The following BCKDHB variants were observed in gnomAD, a reference collection of about 807,000 sequenced individuals.
BCKDHB encodes 2-oxoisovalerate dehydrogenase subunit beta, mitochondrial.
Under a neutral mutation model 48.5 loss-of-function variants are expected in BCKDHB, and 41 were observed. The ratio of observed to expected loss-of-function variants is 0.85; its 90% CI spans 0.66 to 1.10. The LOEUF (loss-of-function observed/expected upper bound fraction) is 1.10, where lower values mean the gene tolerates loss of function less well. Ranked by LOEUF, BCKDHB falls within the 50% of genes least tolerant of loss-of-function variation. The probability of loss-of-function intolerance (pLI) is 0.00; values close to 1 mark genes in which losing one functional copy is unlikely to be tolerated. For missense variants in BCKDHB, 496 were observed against 494.2 expected, an observed-to-expected ratio of 1.00 and a Z score of -0.03; for synonymous variants, 201 against 174.8, an observed-to-expected ratio of 1.15 and a Z score of -1.18.
At chr6:80,155,309 G>A (rs1771987405) in intron 3 of BCKDHB, among the ~76,000 whole-genome samples, 1 of 152,104 alleles carries the variant, frequency 6.6e-6, no homozygotes, top group African/African-American at 2.4e-5. Context: ...AAACTGTTTT[G>A]TATTTGTGGC....
At chr6:80,212,761 C>G (rs1230245357) in intron 8 of BCKDHB, among the ~76,000 whole-genome samples, 1 of 152,212 alleles carries the variant, frequency 6.6e-6, no homozygotes, top group Non-Finnish European at 1.5e-5. Context: ...GCTGGCCCCT[C>G]CATTCGGGTT....
chr6:80,289,889 C>T (rs557385467), intron 9 of BCKDHB, among the ~76,000 whole-genome samples: 32 of 152,138 alleles, frequency 2.1e-4, no homozygotes, highest in Non-Finnish European at 3.4e-4. Flanking sequence ...AGGTGTGGAC[C>T]CCAGCTGACC....
chr6:80,366,698 C>T, the BCKDHB span, among the ~76,000 whole-genome samples: 1 of 152,176 alleles, frequency 6.6e-6, no homozygotes, highest in Non-Finnish European at 1.5e-5. Flanking sequence ...ATCCATTCAT[C>T]CATCTAGACT....
the BCKDHB span, among the ~76,000 whole-genome samples, chr6:80,378,581 T>C: frequency 2.0e-5 from 3 of 152,126 alleles, no homozygotes; most frequent in African/African-American, 7.2e-5. Flanking sequence ...CTATTGTGAA[T>C]AGTGCTGCGA....
At chr6:80,386,015 G>C in the BCKDHB span, among the ~76,000 whole-genome samples, 1 of 152,172 alleles carries the variant, frequency 6.6e-6, no homozygotes, top group Non-Finnish European at 1.5e-5. Context: ...CTGTGAGTGA[G>C]CTAGAAATGC....
chr6:80,163,232 C>CTA lies in BCKDHB; in HGVS notation c.344-4446_344-4445insTA, dbSNP rs577890435. ...TTCTCTCTTTTATAGCACCGTTTCT[C>CTA]CATATAATTGTCACTACTCATTGTC... On this transcript the variant is annotated intron_variant, in intron 3 of 9. Transcript: ENST00000320393. 3.3e-5 allele frequency among the ~76,000 whole-genome samples: 5 copies of CTA among 152,020 alleles called. No homozygotes were observed. In the East Asian group the frequency reaches 9.7e-4, roughly 29 times the overall value.
At chr6:80,244,564 A>C (rs1240772381) in intron 8 of BCKDHB, among the ~76,000 whole-genome samples, 1 of 152,202 alleles carries the variant, frequency 6.6e-6, no homozygotes, top group East Asian at 1.9e-4. Flanking sequence ...CCCTGAGGGA[A>C]AAATGGATAA....
chr6:80,317,419 G>A (rs116573349), intron 9 of BCKDHB, among the ~76,000 whole-genome samples: 2,613 of 152,164 alleles, frequency 0.017, 94 homozygotes, highest in African/African-American at 0.058. Context: ...AACTTCTTGC[G>A]GCCTCTCACA....
chr6:80,256,133 G>A (rs1777039700), intron 8 of BCKDHB, among the ~76,000 whole-genome samples: 3 of 152,126 alleles, frequency 2.0e-5, no homozygotes, highest in African/African-American at 7.2e-5. Flanking sequence ...GAAAGAAAAT[G>A]ATCCATGTTA....
At chr6:80,207,171 C>T (rs961293368) in intron 8 of BCKDHB, among the ~76,000 whole-genome samples, 11 of 151,714 alleles carry the variant, frequency 7.3e-5, no homozygotes, top group South Asian at 2.1e-4. Context: ...ATTGATTATC[C>T]GAAACAGTAG....
the BCKDHB span, chr6:80,454,134 T>C: frequency 5.3e-5 from 8 of 152,162 alleles, no homozygotes; most frequent in Admixed American, 5.2e-4. Context: ...CAGAATTGGA[T>C]GCAGAGGGAG....
At chr6:80,406,190 G>A in the BCKDHB span, among the ~76,000 whole-genome samples, 1 of 152,314 alleles carries the variant, frequency 6.6e-6, no homozygotes, top group East Asian at 1.9e-4. Context: ...ATTCCATGGT[G>A]TATATATGCC....
chr6:80,119,735 T>C (rs1769903742), intron 1 of BCKDHB, among the ~76,000 whole-genome samples: 4 of 152,196 alleles, frequency 2.6e-5, no homozygotes, highest in Non-Finnish European at 4.4e-5. Flanking sequence ...AGTAATCATT[T>C]ATGGCAGATA....
chr6:80,418,994 T>A, the BCKDHB span, among the ~76,000 whole-genome samples: 2 of 152,102 alleles, frequency 1.3e-5, no homozygotes, highest in African/African-American at 4.8e-5. Context: ...GAAAGAGTGG[T>A]CACTCAGGTC....
chr6:80,168,829 G>C, intron 4 of BCKDHB, 46 bp from the exon 5 acceptor site: 1 of 1,609,634 alleles, frequency 6.2e-7, no homozygotes, highest in Non-Finnish European at 8.5e-7. Flanking sequence ...AGATTGGAAG[G>C]GAAGGACTCA....
intron 8 of BCKDHB, among the ~76,000 whole-genome samples, chr6:80,239,643 T>C (rs1360394892): frequency 2.0e-5 from 3 of 152,200 alleles, no homozygotes; most frequent in Admixed American, 6.5e-5. Flanking sequence ...TTTGTTACCA[T>C]TGCTTTTGGT....
At chr6:80,269,870 G>A (rs1777662146) in intron 8 of BCKDHB, among the ~76,000 whole-genome samples, 1 of 151,874 alleles carries the variant, frequency 6.6e-6, no homozygotes, top group Non-Finnish European at 1.5e-5. Flanking sequence ...TTTTACTAAG[G>A]ACATCAAAAT....
chr6:80,236,784 A>G lies in BCKDHB; in HGVS notation c.951+33572A>G, dbSNP rs898247146. Among the ~76,000 whole-genome samples, 4 of 152,244 alleles carry G rather than the reference A, an allele frequency of 2.6e-5. No individual in the cohort carries two copies. In the South Asian group the frequency reaches 8.3e-4, roughly 31 times the overall value. The stretch of plus-strand genomic sequence containing the variant: ...CTGTTATGTGTATGTATGTAAGTCA[A>G]TATGTACAGAGAGATTGAAAGAGAC... On this transcript the variant is annotated intron_variant, in intron 8 of 9. Transcript: ENST00000320393.
At chr6:80,434,261 C>A in the BCKDHB span, among the ~76,000 whole-genome samples, 1 of 151,676 alleles carries the variant, frequency 6.6e-6, no homozygotes, top group Non-Finnish European at 1.5e-5. Flanking sequence ...CCATTTCTCT[C>A]TATATCATTT....
Sources: allele counts gnomAD v4.1 joint callset (sites outside exome capture counted in the v4.1 genomes callset), GRCh38; gene constraint gnomAD v4.1.1; transcripts MANE v1.5; gene names NCBI Gene and HGNC (gene_info 2026-07-23, HGNC 2026-07-21).